The following LARP1 variants were observed in gnomAD, a reference collection of about 807,000 sequenced individuals.
LARP1 encodes the protein La ribonucleoprotein 1, translational regulator, also known as la-related protein 1.
A neutral mutation model predicts 122.7 loss-of-function variants in LARP1; 36 were observed. That is an observed-to-expected ratio of 0.29 (90% confidence interval 0.22 to 0.39). LARP1 has a LOEUF of 0.39. Ranked by LOEUF, LARP1 falls within the 10% of genes least tolerant of loss-of-function variation. The pLI is 1.00. For missense variants in LARP1, 1,040 were observed against 1,403.6 expected, an observed-to-expected ratio of 0.74 and a Z score of 4.14; for synonymous variants, 539 against 528.7, an observed-to-expected ratio of 1.02 and a Z score of -0.27.
chr5:154,796,090 ATATT>A (rs1358606674), intron 8 of LARP1, among the ~76,000 whole-genome samples: 2 of 118,716 alleles, frequency 1.7e-5, no homozygotes, highest in African/African-American at 6.7e-5. Flanking sequence ...TATTATATAT[ATATT>A]TTATATATTT....
chr5:154,695,229 G>A (rs1184708845), intron 1 of LARP1, among the ~76,000 whole-genome samples: 6 of 151,782 alleles, frequency 4.0e-5, no homozygotes, highest in East Asian at 2.0e-4. Flanking sequence ...GCAGAATGGC[G>A]TGAACCTGGG....
chr5:154,766,354 A>C (rs1754949685), intron 1 of LARP1, among the ~76,000 whole-genome samples: 1 of 152,212 alleles, frequency 6.6e-6, no homozygotes, highest in South Asian at 2.1e-4. Context: ...TTCCCATTTG[A>C]TCCTTTAGGG....
upstream of LARP1, among the ~76,000 whole-genome samples, chr5:154,708,260 T>A (rs554285862): frequency 6.6e-6 from 1 of 152,352 alleles, no homozygotes; most frequent in East Asian, 1.9e-4. Context: ...ATAATTCCAG[T>A]TCGGCTTTGA....
At chr5:154,738,784 T>G (rs1027102879) in intron 1 of LARP1, among the ~76,000 whole-genome samples, 1 of 151,850 alleles carries the variant, frequency 6.6e-6, no homozygotes, top group Non-Finnish European at 1.5e-5. Flanking sequence ...TAGCCAGGCA[T>G]AGTGGCTCAT....
In LARP1 at chr5:154,755,709, G is replaced by A; in HGVS notation, c.-49G>A. ...CTCTGCTAGCCAAGTTCGAGGCGGGGGAGGCAGCCTCGGGCGCGCCCGGCT... is the reference window on the plus strand; with the variant it reads ...CTCTGCTAGCCAAGTTCGAGGCGGGAGAGGCAGCCTCGGGCGCGCCCGGCT... On this transcript the variant is annotated 5_prime_UTR_variant, in exon 1 of 19. Transcript: ENST00000518297. The A allele has an allele frequency of 2.0e-6, 2 of 987,910 alleles. No individual in the cohort carries two copies. The highest frequency in any genetic ancestry group is 2.4e-6 in the Non-Finnish European group (2 of 830,450). 61.2% of individuals were successfully genotyped at this position (987,910 alleles called of 1,614,324 possible).
upstream of LARP1, among the ~76,000 whole-genome samples, chr5:154,709,025 A>G (rs886360820): frequency 6.6e-6 from 1 of 152,192 alleles, no homozygotes; most frequent in Non-Finnish European, 1.5e-5. Context: ...TACCACGGTG[A>G]CTCATTAATC....
intron 18 of LARP1, among the ~76,000 whole-genome samples, chr5:154,812,965 G>A (rs912864973): frequency 1.3e-5 from 2 of 152,102 alleles, no homozygotes; most frequent in Non-Finnish European, 2.9e-5. Flanking sequence ...ATTCAAGATC[G>A]AGATTTGGGT....
At chr5:154,746,904 G>A (rs1753222178) in intron 1 of LARP1, among the ~76,000 whole-genome samples, 1 of 152,196 alleles carries the variant, frequency 6.6e-6, no homozygotes. Context: ...GGAAGCTGTG[G>A]TGGGCAGACC....
intron 15 of LARP1, among the ~76,000 whole-genome samples, chr5:154,806,835 C>T (rs1311192243): frequency 2.6e-5 from 4 of 152,172 alleles, no homozygotes; most frequent in Non-Finnish European, 5.9e-5. Flanking sequence ...TATGATGGAA[C>T]ATACCTAAAG....
chr5:154,808,718 T>A (rs1213475854), intron 16 of LARP1, 115 bp downstream of exon 16: 1 of 1,061,990 alleles, frequency 9.4e-7, no homozygotes, highest in Non-Finnish European at 1.3e-6. Flanking sequence ...TGTTCATTCA[T>A]ATACTTGATG....
upstream of LARP1, among the ~76,000 whole-genome samples, chr5:154,711,754 A>G (rs1755235576): frequency 1.3e-5 from 2 of 152,200 alleles, no homozygotes; most frequent in South Asian, 4.1e-4. Flanking sequence ...GGATTGGACT[A>G]TATTGTAGTG....
At chr5:154,768,180 G>A (rs1755104533) in intron 1 of LARP1, among the ~76,000 whole-genome samples, 1 of 152,172 alleles carries the variant, frequency 6.6e-6, no homozygotes, top group Non-Finnish European at 1.5e-5. Flanking sequence ...GTTGTCACAG[G>A]GGATACTGAG....
chr5:154,778,724 C>T (rs908973487), intron 1 of LARP1, among the ~76,000 whole-genome samples: 12 of 152,188 alleles, frequency 7.9e-5, no homozygotes, highest in South Asian at 2.1e-4. Flanking sequence ...CTGGTGTCTG[C>T]GCCAGGACTG....
At chr5:154,702,829 C>T (rs1754777905) in intron 1 of LARP1, among the ~76,000 whole-genome samples, 1 of 151,982 alleles carries the variant, frequency 6.6e-6, no homozygotes, top group African/African-American at 2.4e-5. Context: ...AAAGAGAGGA[C>T]ACTGGTTGTG....
chr5:154,699,631 T>G (rs1754626648), intron 1 of LARP1, among the ~76,000 whole-genome samples: 1 of 152,182 alleles, frequency 6.6e-6, no homozygotes, highest in Non-Finnish European at 1.5e-5. Context: ...GTACATTATC[T>G]CAGGCATAAA....
rs369411915 is a variant in LARP1 at position 154,791,878 on chromosome 5, T to C, written c.565-744T>C. 22 of 438,300 alleles carry C rather than the reference T, an allele frequency of 5.0e-5. No individual in the cohort carries two copies. The East Asian group carries it at 1.3e-3, about 26-fold the overall frequency. The allele number at this position is 438,300 out of a possible 1,614,324, so 27.2% of individuals were successfully genotyped here. ...TTATTCAAGGGTCAGCTGAATTGCC[T>C]GTTCATCATCTCATCTAACCCTCAC... On this transcript the variant is annotated intron_variant, in intron 3 of 18. Transcript: ENST00000518297.
rs1375222979 is a variant in LARP1 at position 154,774,043 on chromosome 5, G to A, written c.437-16282G>A. Among the ~76,000 whole-genome samples the A allele has an allele frequency of 2.7e-5, 4 of 150,438 alleles. No individual in the cohort carries two copies. In the East Asian group the frequency reaches 5.8e-4, roughly 22 times the overall value. ...GCAGGTTTGAGATTTGTAGAAGCCTGGCTTCATTTTTTTTTTTTTTTGTTT... is the reference window on the plus strand; with the variant it reads ...GCAGGTTTGAGATTTGTAGAAGCCTAGCTTCATTTTTTTTTTTTTTTGTTT... On this transcript the variant is annotated intron_variant, in intron 1 of 18. Transcript: ENST00000518297.
Position 154,756,023 on chromosome 5 carries a change from T to G in LARP1, c.266T>G (p.Ile89Ser). 1 of 1,037,472 alleles carries G rather than the reference T, an allele frequency of 9.6e-7. No homozygotes were observed. Among genetic ancestry groups the G allele is most frequent in the Non-Finnish European group, 1.2e-6 (1 of 863,538 alleles). The allele number at this position is 1,037,472 out of a possible 1,614,324, so 64.3% of individuals were successfully genotyped here. ...LQLPGAEGPA[I>S]SDGEEGGGEP... Reference sequence around the variant, plus strand: ...CTGCCCGGCGCCGAAGGCCCGGCCATCAGCGACGGGGAGGAGGGCGGCGGC... The same window carrying G: ...CTGCCCGGCGCCGAAGGCCCGGCCAGCAGCGACGGGGAGGAGGGCGGCGGC... Residue 89 changes from isoleucine to serine, a missense_variant, in exon 1 of 19, where the codon ATC (isoleucine) becomes AGC (serine). Physicochemically the swap from Ile to Ser is moderately radical, Grantham distance 142. Coordinates refer to ENST00000518297, the MANE Select transcript of LARP1 (RefSeq NM_033551.3).
intron 1 of LARP1, among the ~76,000 whole-genome samples, chr5:154,768,009 C>G (rs559139630): frequency 2.6e-5 from 4 of 152,122 alleles, no homozygotes; most frequent in African/African-American, 9.7e-5. Flanking sequence ...GGAATCAAAG[C>G]TTGGGGGTGC....
Sources: allele counts gnomAD v4.1 joint callset (sites outside exome capture counted in the v4.1 genomes callset), GRCh38; gene constraint gnomAD v4.1.1; transcripts MANE v1.5; gene names NCBI Gene and HGNC (gene_info 2026-07-23, HGNC 2026-07-21).